ACOT11: variants seen among roughly 807,000 people sequenced by gnomAD.
ACOT11 encodes the protein acyl-CoA thioesterase 11, also known as acyl-coenzyme A thioesterase 11.
A neutral mutation model predicts 77.5 loss-of-function variants in ACOT11; 69 were observed. The observed-to-expected ratio is 0.89, with a 90% CI of 0.73 to 1.09. ACOT11 has a LOEUF of 1.09. Among genes scored for constraint, ACOT11 ranks in the 50% least tolerant of loss-of-function variants. The pLI is 0.00. For synonymous variants in ACOT11, 279 were observed against 313.0 expected (o/e 0.89, Z 1.15); for missense variants, 766 against 813.7 (o/e 0.94, Z 0.71).
At position 54,609,732 on chromosome 1, in the gene ACOT11, A is replaced by G. The variant is rs1236491604; in HGVS notation, c.*620A>G. ...GGCCAATGCAAGAGGCCAAGGCTGG[A>G]GAGGCGTGCCAGCAAGGCCAGGGAT... is the stretch of plus-strand genomic sequence containing the variant. On this transcript the variant is annotated 3_prime_UTR_variant, in exon 16 of 16. Coordinates refer to ENST00000343744, the MANE Select transcript of ACOT11 (RefSeq NM_147161.4). 1 of 1,614,168 alleles carries G rather than the reference A, an allele frequency of 6.2e-7. No homozygotes were observed. Among genetic ancestry groups the G allele is most frequent in the Admixed American group, 1.7e-5 (1 of 60,034 alleles).
At chr1:54,554,346 TATATA>T (rs1213075093) in intron 1 of ACOT11, among the ~76,000 whole-genome samples, 3 of 103,150 alleles carry the variant, frequency 2.9e-5, no homozygotes, top group East Asian at 2.5e-4. Flanking sequence ...TATATATATA[TATATA>T]TTTTTTTTTT....
chr1:54,623,431 C>G (rs576301479), intron 15 of ACOT11: 5 of 1,522,752 alleles, frequency 3.3e-6, no homozygotes, highest in African/African-American at 1.4e-5. Context: ...CAACTCCGTG[C>G]GGCCCAGAGT....
Position 54,609,047 on chromosome 1 carries a change from A to T in ACOT11, c.1720A>T (p.Lys574Ter). 1 of 1,614,060 alleles carries T rather than the reference A, an allele frequency of 6.2e-7. No homozygotes were observed. The highest frequency in any genetic ancestry group is 8.5e-7 in the Non-Finnish European group (1 of 1,179,984). ...CTCCTCTGAGTTCTACACCACCTTC[A>T]AGGCTTGTGAGCAGTTTCTCTTGGA... is the stretch of plus-strand genomic sequence containing the variant. The part of the protein sequence containing the change: ...GLSSEFYTTF[K>*]ACEQFLLDNR... Residue 574 changes from lysine to a stop codon, truncating the protein, a stop_gained, in exon 16 of 16, where the codon AAG (lysine) becomes TAG (stop). Coordinates refer to ENST00000343744, the MANE Select transcript of ACOT11 (RefSeq NM_147161.4). LOFTEE classifies it high-confidence loss of function.
chr1:54,632,610 C>G (rs1205735220), intron 16 of ACOT11, among the ~76,000 whole-genome samples: 1 of 152,070 alleles, frequency 6.6e-6, no homozygotes, highest in Non-Finnish European at 1.5e-5. Flanking sequence ...TGAAATTAAA[C>G]GAACAGGAGA....
In ACOT11 at chr1:54,605,158, T is replaced by C; in HGVS notation, c.1319T>C (p.Phe440Ser). The C allele has an allele frequency of 6.2e-7, 1 of 1,613,946 alleles. No individual in the cohort carries two copies. Among genetic ancestry groups the C allele is most frequent in the Non-Finnish European group, 8.5e-7 (1 of 1,180,024 alleles). The change falls in exon 13 of 16, where the codon TTC (phenylalanine) becomes TCC (serine). Residue 440 changes from phenylalanine to serine, a missense_variant. Coordinates refer to ENST00000343744, the MANE Select transcript of ACOT11 (RefSeq NM_147161.4). ...GTGCATGTGGATGCAGCCCAGGCCT[T>C]CCTGCTGCTCTCGGACCTGCGTCAG... ...MVVHVDAAQA[F>S]LLLSDLRQRP...
intron 1 of ACOT11, among the ~76,000 whole-genome samples, chr1:54,571,840 G>A (rs1205489073): frequency 1.3e-5 from 2 of 152,168 alleles, no homozygotes; most frequent in Admixed American, 1.3e-4. Flanking sequence ...GGGTAGTGAG[G>A]GGGATGCTGA....
At chr1:54,593,525 C>G (rs933653358) in intron 4 of ACOT11, among the ~76,000 whole-genome samples, 1 of 147,142 alleles carries the variant, frequency 6.8e-6, no homozygotes, top group African/African-American at 2.5e-5. Context: ...GTTTTGAACT[C>G]CTGGCCTCAA....
At chr1:54,561,850 G>C (rs1653507266) in intron 1 of ACOT11, among the ~76,000 whole-genome samples, 2 of 104,550 alleles carry the variant, frequency 1.9e-5, no homozygotes, top group Non-Finnish European at 4.0e-5. Flanking sequence ...CTTCCCAGTA[G>C]GGGCGGCCGG....
At chr1:54,562,739 C>G (rs1165212875) in intron 1 of ACOT11, among the ~76,000 whole-genome samples, 1 of 76,252 alleles carries the variant, frequency 1.3e-5, no homozygotes, top group Non-Finnish European at 2.7e-5. Context: ...GGGTCTCGGC[C>G]GGGCAGAGGC....
chr1:54,599,316 C>G lies in ACOT11; in HGVS notation c.785C>G (p.Pro262Arg), dbSNP rs2100997447. 6.2e-7 allele frequency: 1 copy of G among 1,603,844 alleles called. No homozygotes were observed. Among genetic ancestry groups the G allele is most frequent in the Non-Finnish European group, 8.5e-7 (1 of 1,175,592 alleles). ...IAASRLCRAH[P>R]TLKAIEMFHF... ...CTCAGCCGGCTCTGCCGTGCCCACC[C>G]TACGCTGAAGGCCATTGAAATGTTC... The change falls in exon 8 of 16, where the codon CCT becomes CGT. Residue 262 changes from proline to arginine, a missense_variant. Pro to Arg is a moderately radical substitution (Grantham distance 103). Coordinates refer to ENST00000343744, the MANE Select transcript of ACOT11 (RefSeq NM_147161.4).
chr1:54,585,288 T>G (rs1422344570), intron 2 of ACOT11, among the ~76,000 whole-genome samples: 1 of 151,886 alleles, frequency 6.6e-6, no homozygotes, highest in East Asian at 1.9e-4. Context: ...CCTGGTAGGG[T>G]GGGGATGGGG....
chr1:54,582,727 G>A (rs1557655619), intron 1 of ACOT11, among the ~76,000 whole-genome samples: 1 of 152,126 alleles, frequency 6.6e-6, no homozygotes, highest in Non-Finnish European at 1.5e-5. Flanking sequence ...GAGAAGTGGC[G>A]GACGTGCCCA....
chr1:54,630,440 C>T (rs1186680400), intron 15 of ACOT11, among the ~76,000 whole-genome samples: 7 of 152,194 alleles, frequency 4.6e-5, no homozygotes, highest in South Asian at 2.1e-4. Flanking sequence ...AACACCTGGC[C>T]CGCCCAGGGT....
At chr1:54,595,894 GAGC>G (rs1360686509) in intron 6 of ACOT11, among the ~76,000 whole-genome samples, 1 of 152,206 alleles carries the variant, frequency 6.6e-6, no homozygotes, top group Non-Finnish European at 1.5e-5. Flanking sequence ...AGTGGGGAGA[GAGC>G]AGGCAGAACT....
exon 17 of ACOT11, chr1:54,636,340 A>G (rs1324603815): frequency 2.0e-5 from 3 of 152,230 alleles, no homozygotes; most frequent in Admixed American, 2.0e-4. Flanking sequence ...AATAGTGGAG[A>G]GAAGGTCAGA....
At chr1:54,567,901 T>G (rs1412346524) in intron 1 of ACOT11, among the ~76,000 whole-genome samples, 2 of 152,126 alleles carry the variant, frequency 1.3e-5, no homozygotes, top group East Asian at 3.8e-4. Flanking sequence ...AGCAGAGTGA[T>G]CTTACAACGC....
At chr1:54,633,620 TGCCA>T (rs1644313694) in intron 16 of ACOT11, among the ~76,000 whole-genome samples, 1 of 152,236 alleles carries the variant, frequency 6.6e-6, no homozygotes, top group Non-Finnish European at 1.5e-5. Flanking sequence ...CCCAACAATT[TGCCA>T]GACATATGTG....
chr1:54,570,320 T>A (rs915347379), intron 1 of ACOT11, among the ~76,000 whole-genome samples: 10 of 152,206 alleles, frequency 6.6e-5, no homozygotes, highest in African/African-American at 2.4e-4. Context: ...GAATTCTGTC[T>A]TGGTAGAGAG....
chr1:54,611,809 G>A, downstream of ACOT11: 1 of 1,598,452 alleles, frequency 6.3e-7, no homozygotes. Context: ...CCCCACTCCT[G>A]TGCTCAGAAC....
Sources: allele counts gnomAD v4.1 joint callset (sites outside exome capture counted in the v4.1 genomes callset), GRCh38; gene constraint gnomAD v4.1.1; transcripts MANE v1.5; gene names NCBI Gene and HGNC (gene_info 2026-07-23, HGNC 2026-07-21).